The following TSHZ2 variants were observed in gnomAD, a reference collection of about 807,000 sequenced individuals.
TSHZ2 encodes the protein teashirt homolog 2.
In TSHZ2, 21 loss-of-function variants were observed where a neutral mutation model predicts 74.4. That is an observed-to-expected ratio of 0.28 (90% CI 0.20 to 0.41). The LOEUF (loss-of-function observed/expected upper bound fraction) is 0.41, where lower values mean the gene tolerates loss of function less well. Ranked by LOEUF, TSHZ2 falls within the 10% of genes least tolerant of loss-of-function variation. The pLI is 1.00. For missense variants in TSHZ2, 1,244 were observed against 1,293.5 expected, an observed-to-expected ratio of 0.96 and a Z score of 0.59; for synonymous variants, 540 against 515.3, an observed-to-expected ratio of 1.05 and a Z score of -0.65.
intron 1 of TSHZ2, among the ~76,000 whole-genome samples, chr20:53,014,646 C>T (rs1982972393): frequency 6.6e-6 from 1 of 152,086 alleles, no homozygotes; most frequent in Non-Finnish European, 1.5e-5. Context: ...CTCTCCCTTC[C>T]TCTTTCCGTG....
intron 2 of TSHZ2, among the ~76,000 whole-genome samples, chr20:53,439,795 G>A (rs1382291510): frequency 2.5e-4 from 38 of 152,148 alleles, no homozygotes; most frequent in Non-Finnish European, 5.9e-5. Context: ...TGGTAGCTTG[G>A]TGTGTCAGCT....
intron 2 of TSHZ2, among the ~76,000 whole-genome samples, chr20:53,434,282 T>G (rs1037202825): frequency 6.6e-6 from 1 of 152,202 alleles, no homozygotes; most frequent in Admixed American, 6.5e-5. Flanking sequence ...CATTATCTCA[T>G]GTAATCATCA....
chr20:53,316,778 C>G (rs1317225878), intron 2 of TSHZ2, among the ~76,000 whole-genome samples: 1 of 152,180 alleles, frequency 6.6e-6, no homozygotes, highest in Non-Finnish European at 1.5e-5. Context: ...CCGTATCACC[C>G]ACAAGGCTGA....
chr20:53,182,243 TC>T (rs1988496892), intron 1 of TSHZ2, among the ~76,000 whole-genome samples: 1 of 150,350 alleles, frequency 6.7e-6, no homozygotes, highest in Admixed American at 6.6e-5. Flanking sequence ...CCTCCTTCCT[TC>T]CTTCTATCAT....
chr20:53,095,524 T>G (rs1325337883), intron 1 of TSHZ2, among the ~76,000 whole-genome samples: 1 of 151,946 alleles, frequency 6.6e-6, no homozygotes, highest in Non-Finnish European at 1.5e-5. Context: ...AGAAGCAGCA[T>G]GAATAGGTGG....
intron 1 of TSHZ2, among the ~76,000 whole-genome samples, chr20:53,104,702 G>T (rs368566617): frequency 1.3e-5 from 2 of 152,218 alleles, no homozygotes; most frequent in East Asian, 3.9e-4. Flanking sequence ...AACTTATTAC[G>T]GAGGCTAAGA....
At chr20:53,423,219 C>CA (rs1196396392) in intron 2 of TSHZ2, among the ~76,000 whole-genome samples, 1 of 152,098 alleles carries the variant, frequency 6.6e-6, no homozygotes, top group Non-Finnish European at 1.5e-5. Flanking sequence ...GCCAACATGG[C>CA]AAAACCCCGT....
chr20:53,261,729 A>G (rs775231798), intron 2 of TSHZ2, among the ~76,000 whole-genome samples: 4 of 152,230 alleles, frequency 2.6e-5, no homozygotes, highest in Non-Finnish European at 5.9e-5. Flanking sequence ...CCAATCTGCC[A>G]TCAGTATCAT....
chr20:53,435,247 CTA>C (rs1984002695), intron 2 of TSHZ2, among the ~76,000 whole-genome samples: 1 of 152,136 alleles, frequency 6.6e-6, no homozygotes, highest in Non-Finnish European at 1.5e-5. Context: ...GTGTCAGATT[CTA>C]GAGCAAGATG....
intron 1 of TSHZ2, among the ~76,000 whole-genome samples, chr20:52,994,365 G>A (rs1982095824): frequency 6.6e-6 from 1 of 152,140 alleles, no homozygotes; most frequent in Non-Finnish European, 1.5e-5. Flanking sequence ...TGGATTGATG[G>A]ATGGATGGAT....
At chr20:52,985,640 A>G (rs1055317952) in intron 1 of TSHZ2, among the ~76,000 whole-genome samples, 1 of 152,238 alleles carries the variant, frequency 6.6e-6, no homozygotes, top group African/African-American at 2.4e-5. Context: ...TGAAGGGCAG[A>G]TGTTGTGTCT....
intron 1 of TSHZ2, among the ~76,000 whole-genome samples, chr20:53,056,520 A>T (rs1247470144): frequency 6.6e-6 from 1 of 152,210 alleles, no homozygotes; most frequent in Admixed American, 6.5e-5. Flanking sequence ...TAAGTTAGCA[A>T]ACATTTTGGT....
chr20:53,371,279 T>C (rs1179588034), intron 2 of TSHZ2, among the ~76,000 whole-genome samples: 1 of 152,214 alleles, frequency 6.6e-6, no homozygotes, highest in Non-Finnish European at 1.5e-5. Flanking sequence ...TTATTCAGTA[T>C]AGAGACTCTG....
At chr20:53,283,822 C>T (rs1991110612) in intron 2 of TSHZ2, among the ~76,000 whole-genome samples, 1 of 152,198 alleles carries the variant, frequency 6.6e-6, no homozygotes, top group African/African-American at 2.4e-5. Context: ...ATTGGTCTGA[C>T]TCTCCAAGAT....
rs138250144 is a variant in TSHZ2, at chr20:52,997,893, T to A, written c.40+24560T>A. 3.6e-3 allele frequency among the ~76,000 whole-genome samples: 551 copies of A among 152,312 alleles called. 1 individual carries two copies. The highest frequency in any genetic ancestry group is 0.012 in the African/African-American group (510 of 41,586). On this transcript the variant is annotated intron_variant, in intron 1 of 2. Coordinates refer to ENST00000371497, the MANE Select transcript of TSHZ2 (RefSeq NM_173485.6). Reference sequence around the variant, plus strand: ...TTTAGGATAAACAGATGGCCTTACATCTTCCTACTCAAAGTATGGCCTGCA... The same window carrying A: ...TTTAGGATAAACAGATGGCCTTACAACTTCCTACTCAAAGTATGGCCTGCA...
At chr20:53,236,670 G>T (rs940348016) in intron 1 of TSHZ2, among the ~76,000 whole-genome samples, 1 of 152,184 alleles carries the variant, frequency 6.6e-6, no homozygotes. Flanking sequence ...CTAAAGAACT[G>T]CCTGAGACTG....
At chr20:53,081,673 A>G (rs548224893) in intron 1 of TSHZ2, among the ~76,000 whole-genome samples, 2 of 152,032 alleles carry the variant, frequency 1.3e-5, no homozygotes, top group South Asian at 4.2e-4. Context: ...GTGTTTATAA[A>G]TTTTTTCACC....
chr20:53,032,744 ATTT>A (rs145684258), intron 1 of TSHZ2, among the ~76,000 whole-genome samples: 4 of 145,742 alleles, frequency 2.7e-5, no homozygotes, highest in African/African-American at 7.5e-5. Context: ...CCATGTCCTG[ATTT>A]TTTTTTTTTT....
chr20:53,152,584 G>A (rs1987699916), intron 1 of TSHZ2, among the ~76,000 whole-genome samples: 1 of 152,224 alleles, frequency 6.6e-6, no homozygotes, highest in Admixed American at 6.5e-5. Context: ...ATTCAGCCAT[G>A]CAGTCTCACA....
Sources: gnomAD v4.1 joint callset for allele counts (sites outside exome capture counted in the v4.1 genomes callset) on GRCh38, gnomAD v4.1.1 for gene constraint, MANE v1.5 for transcripts, NCBI Gene and HGNC (gene_info 2026-07-23, HGNC 2026-07-21) for gene names.